Variants in SPATA18 observed in about 807,000 individuals in gnomAD.
The protein encoded by SPATA18 is mitochondria-eating protein.
A neutral mutation model predicts 68.1 loss-of-function variants in SPATA18; 54 were observed. That is an observed-to-expected ratio of 0.79 (90% CI 0.64 to 0.99). The LOEUF is 0.99. Among genes scored for constraint, SPATA18 ranks in the 50% least tolerant of loss-of-function variants. SPATA18 has a pLI of 0.00. For missense variants in SPATA18, 724 were observed against 681.1 expected (o/e 1.06, Z -0.70); for synonymous variants, 242 against 244.8 (o/e 0.99, Z 0.11).
At chr4:52,094,709 G>A in intron 12 of SPATA18, 137 bp downstream of exon 12, 1 of 1,274,784 alleles carries the variant, frequency 7.8e-7, no homozygotes, top group Non-Finnish European at 1.1e-6. Flanking sequence ...TTCATGTCTG[G>A]GCCTCTGGCT....
intron 11 of SPATA18, among the ~76,000 whole-genome samples, chr4:52,090,770 T>A (rs1481523438): frequency 6.6e-6 from 1 of 152,142 alleles, no homozygotes; most frequent in Non-Finnish European, 1.5e-5. Context: ...TGTCTTGGGG[T>A]TGCTCTTCTT....
At chr4:52,076,754 C>A in intron 6 of SPATA18, 25 bp from the exon 7 acceptor site, 1 of 1,607,440 alleles carries the variant, frequency 6.2e-7, no homozygotes, top group Non-Finnish European at 8.5e-7. Flanking sequence ...AAGGATTTCC[C>A]TGGCTGATTC....
At chr4:52,054,924 G>A (rs971296289) in intron 1 of SPATA18, among the ~76,000 whole-genome samples, 14 of 151,704 alleles carry the variant, frequency 9.2e-5, no homozygotes, top group African/African-American at 3.4e-4. Flanking sequence ...ATGTGTAGGG[G>A]TATGTGACTT....
At chr4:52,083,596 T>C in intron 10 of SPATA18, 1 of 520,648 alleles carries the variant, frequency 1.9e-6, no homozygotes, top group Non-Finnish European at 2.5e-6. Flanking sequence ...AATAAACAAA[T>C]TAGCTGGGCA....
intron 4 of SPATA18, among the ~76,000 whole-genome samples, chr4:52,069,437 G>T (rs1739605692): frequency 6.6e-6 from 1 of 152,170 alleles, no homozygotes; most frequent in Non-Finnish European, 1.5e-5. Flanking sequence ...ATCGATGTTG[G>T]TATATTATAG....
At chr4:52,071,392 G>T (rs542555906) in intron 5 of SPATA18, among the ~76,000 whole-genome samples, 2 of 152,146 alleles carry the variant, frequency 1.3e-5, no homozygotes, top group Non-Finnish European at 2.9e-5. Context: ...AGCTAGTTTT[G>T]TGGATGTTAT....
chr4:52,084,434 C>T (rs1741242262), intron 10 of SPATA18, among the ~76,000 whole-genome samples: 1 of 152,146 alleles, frequency 6.6e-6, no homozygotes, highest in African/African-American at 2.4e-5. Context: ...CTATAGCTTT[C>T]TTCTTATTCA....
At chr4:52,066,372 G>A (rs370587560) in intron 4 of SPATA18, among the ~76,000 whole-genome samples, 4 of 152,024 alleles carry the variant, frequency 2.6e-5, no homozygotes, top group Admixed American at 6.6e-5. Flanking sequence ...GGATGGTCTC[G>A]ATCTCCTGAC....
Position 52,051,641 on chromosome 4 carries a change from A to C in SPATA18, c.-64A>C. On this transcript the variant is annotated 5_prime_UTR_variant, in exon 1 of 13. Coordinates refer to ENST00000295213, the MANE Select transcript of SPATA18 (RefSeq NM_145263.4). ...GCCATATCACCCCACGGTCCTGCGGAGGCCACCGCCTGGTCCCCCCAAGTC... is the reference window on the plus strand; with the variant it reads ...GCCATATCACCCCACGGTCCTGCGGCGGCCACCGCCTGGTCCCCCCAAGTC... The C allele has an allele frequency of 3.4e-6, 5 of 1,489,266 alleles. No homozygotes were observed. Among genetic ancestry groups the C allele is most frequent in the Middle Eastern group, 1.7e-4 (1 of 5,760 alleles). 92.3% of individuals were successfully genotyped at this position (1,489,266 alleles called of 1,614,324 possible).
chr4:52,058,270 T>G (rs1380853), intron 1 of SPATA18, among the ~76,000 whole-genome samples: 90,721 of 151,660 alleles, frequency 0.6, 30,120 homozygotes, highest in Middle Eastern at 0.79. Flanking sequence ...AGCAAAGCAA[T>G]ATCATTTTTA....
At chr4:52,093,269 G>A (rs1412018655) in intron 11 of SPATA18, among the ~76,000 whole-genome samples, 7 of 152,094 alleles carry the variant, frequency 4.6e-5, no homozygotes, top group Non-Finnish European at 1.0e-4. Context: ...AAGCAGAAAG[G>A]GCTAGAGTCA....
chr4:52,095,147 A>T lies in SPATA18; in HGVS notation c.*260A>T. ...TGTATAGGCATTTAGGATCATATTC[A>T]TTCGAAGCAAAGTCCGTTACAAAGG... On this transcript the variant is annotated 3_prime_UTR_variant, in exon 13 of 13. Coordinates refer to ENST00000295213, the MANE Select transcript of SPATA18 (RefSeq NM_145263.4). 1 of 513,362 alleles carries T rather than the reference A, an allele frequency of 1.9e-6. No individual in the cohort carries two copies. The highest frequency in any genetic ancestry group is 3.4e-6 in the Non-Finnish European group (1 of 292,840). 31.8% of individuals were successfully genotyped at this position (513,362 alleles called of 1,614,324 possible).
chr4:52,076,538 G>C (rs186365744), intron 6 of SPATA18, among the ~76,000 whole-genome samples: 18 of 152,174 alleles, frequency 1.2e-4, no homozygotes, highest in African/African-American at 4.1e-4. Flanking sequence ...AAATCGGACT[G>C]ATTTTTAAGA....
At chr4:52,077,362 A>C (rs1205834086) in intron 7 of SPATA18, among the ~76,000 whole-genome samples, 51 of 106,738 alleles carry the variant, frequency 4.8e-4, no homozygotes, top group African/African-American at 7.2e-4. Context: ...CCCTCTCTCC[A>C]TCTCTTCCTC....
In SPATA18 at chr4:52,078,807, T is replaced by C. The variant is rs1220850431; in HGVS notation, c.1093T>C (p.Tyr365His). ...TGTGAGAAAATCGTTGACACCATCT[T>C]ATGTGGGGTCGAATGACTTTGAGAA... ...IHVRKSLTPS[Y>H]VGSNDFENAV... Residue 365 changes from tyrosine to histidine, a missense_variant, in exon 8 of 13, where the codon TAT becomes CAT. Tyr to His is a moderately conservative substitution (Grantham distance 83). Transcript: ENST00000295213. 1.2e-6 allele frequency: 2 copies of C among 1,609,524 alleles called. No homozygotes were observed. The highest frequency in any genetic ancestry group is 1.7e-6 in the Non-Finnish European group (2 of 1,176,380).
intron 6 of SPATA18, among the ~76,000 whole-genome samples, chr4:52,076,551 G>A (rs369940705): frequency 2.6e-5 from 4 of 152,252 alleles, no homozygotes; most frequent in African/African-American, 7.2e-5. Flanking sequence ...TTTTAAGAAC[G>A]CATGCATTCT....
intron 11 of SPATA18, among the ~76,000 whole-genome samples, chr4:52,092,468 C>A (rs1249749298): frequency 6.6e-6 from 1 of 152,190 alleles, no homozygotes; most frequent in Non-Finnish European, 1.5e-5. Context: ...GGGGAACATT[C>A]TCTGGCCCTT....
At chr4:52,091,482 A>G (rs913869686) in intron 11 of SPATA18, among the ~76,000 whole-genome samples, 1 of 151,810 alleles carries the variant, frequency 6.6e-6, no homozygotes, top group African/African-American at 2.4e-5. Context: ...TTGAGTGGAC[A>G]TGCTAATCCT....
Position 52,095,004 on chromosome 4 carries a change from C to T in SPATA18, c.*117C>T. 2.5e-6 allele frequency: 3 copies of T among 1,195,358 alleles called. No homozygotes were observed. In the South Asian group the frequency reaches 3.6e-5, roughly 14 times the overall value. 74.0% of individuals were successfully genotyped at this position (1,195,358 alleles called of 1,614,324 possible). Reference sequence around the variant, plus strand: ...CTTAAGATAATGTCAAAAGGCAATTCTGTGTATCACCCCACACAGAGAGTT... The same window carrying T: ...CTTAAGATAATGTCAAAAGGCAATTTTGTGTATCACCCCACACAGAGAGTT... On this transcript the variant is annotated 3_prime_UTR_variant, in exon 13 of 13. Transcript: ENST00000295213.
Sources: gnomAD v4.1 joint callset for allele counts (sites outside exome capture counted in the v4.1 genomes callset) on GRCh38, gnomAD v4.1.1 for gene constraint, MANE v1.5 for transcripts, NCBI Gene and HGNC (gene_info 2026-07-23, HGNC 2026-07-21) for gene names.